The following TCERG1L variants were observed in gnomAD, a reference collection of about 807,000 sequenced individuals.
The protein encoded by TCERG1L is transcription elongation regulator 1-like protein.
Under a neutral mutation model 56.3 loss-of-function variants are expected in TCERG1L, and 37 were observed. The ratio of observed to expected loss-of-function variants is 0.66; its 90% confidence interval spans 0.51 to 0.87. TCERG1L has a LOEUF of 0.87. TCERG1L is among the 40% of genes least tolerant of loss of function. The pLI is 0.00. For missense variants in TCERG1L, 799 were observed against 774.2 expected, an observed-to-expected ratio of 1.03 and a Z score of -0.38; for synonymous variants, 324 against 326.3, an observed-to-expected ratio of 0.99 and a Z score of 0.08.
intron 4 of TCERG1L, among the ~76,000 whole-genome samples, chr10:131,170,513 G>A (rs1273082320): frequency 4.0e-5 from 6 of 151,852 alleles, no homozygotes; most frequent in Admixed American, 2.0e-4. Flanking sequence ...GAGATGTGAA[G>A]TGCTCCCCAG....
intron 4 of TCERG1L, among the ~76,000 whole-genome samples, chr10:131,226,236 C>T (rs974633527): frequency 1.3e-5 from 2 of 152,086 alleles, no homozygotes; most frequent in Non-Finnish European, 2.9e-5. Flanking sequence ...CCTCCACACC[C>T]GGCTAATTTT....
intron 7 of TCERG1L, among the ~76,000 whole-genome samples, chr10:131,143,143 C>T (rs1845756340): frequency 6.6e-6 from 1 of 152,154 alleles, no homozygotes; most frequent in East Asian, 1.9e-4. Context: ...TGGCTTTTAG[C>T]CTCGTGGTGA....
At chr10:131,170,869 C>T (rs1808825) in intron 4 of TCERG1L, among the ~76,000 whole-genome samples, 6,256 of 152,196 alleles carry the variant, frequency 0.041, 443 homozygotes, top group African/African-American at 0.14. Context: ...GTGTGGCGGC[C>T]GGGCGCCGTG....
At chr10:131,173,717 T>C (rs1846116262) in intron 4 of TCERG1L, among the ~76,000 whole-genome samples, 1 of 152,186 alleles carries the variant, frequency 6.6e-6, no homozygotes, top group African/African-American at 2.4e-5. Flanking sequence ...AGGGGTGCCA[T>C]GTAGTGCAGG....
chr10:131,145,041 T>C (rs1845781300), intron 7 of TCERG1L, among the ~76,000 whole-genome samples: 1 of 152,234 alleles, frequency 6.6e-6, no homozygotes, highest in South Asian at 2.1e-4. Context: ...TGTTTCTCAT[T>C]ACTACCAATT....
At chr10:131,210,908 C>T (rs926400861) in intron 4 of TCERG1L, among the ~76,000 whole-genome samples, 2 of 152,228 alleles carry the variant, frequency 1.3e-5, no homozygotes, top group African/African-American at 4.8e-5. Context: ...CAAGTCATTA[C>T]TTCATGTCAT....
chr10:131,249,133 G>A (rs916530912), intron 4 of TCERG1L, among the ~76,000 whole-genome samples: 7 of 152,222 alleles, frequency 4.6e-5, no homozygotes, highest in African/African-American at 1.2e-4. Flanking sequence ...AAAGTGGGGC[G>A]GCTGACTGAT....
At chr10:131,278,197 G>A (rs951435477) in intron 3 of TCERG1L, among the ~76,000 whole-genome samples, 2 of 152,064 alleles carry the variant, frequency 1.3e-5, no homozygotes, top group Non-Finnish European at 1.5e-5. Flanking sequence ...GACCCCGGCC[G>A]AGTCGCATCC....
At chr10:131,184,425 C>T (rs1442344124) in intron 4 of TCERG1L, among the ~76,000 whole-genome samples, 2 of 152,216 alleles carry the variant, frequency 1.3e-5, no homozygotes, top group African/African-American at 4.8e-5. Flanking sequence ...ATGGGCTTGT[C>T]AATCTGCCCT....
chr10:131,303,629 TAC>T (rs1184055399), intron 3 of TCERG1L, among the ~76,000 whole-genome samples: 2 of 152,140 alleles, frequency 1.3e-5, no homozygotes, highest in African/African-American at 4.8e-5. Context: ...CTTTCTATTT[TAC>T]ACAGATATCA....
At chr10:131,129,729 G>C (rs780341235) in intron 8 of TCERG1L, among the ~76,000 whole-genome samples, 1 of 152,146 alleles carries the variant, frequency 6.6e-6, no homozygotes, top group Non-Finnish European at 1.5e-5. Flanking sequence ...CTAACCTGTT[G>C]TATTAGTTCA....
At chr10:131,126,029 T>C (rs985132677) in intron 8 of TCERG1L, among the ~76,000 whole-genome samples, 1 of 152,208 alleles carries the variant, frequency 6.6e-6, no homozygotes, top group African/African-American at 2.4e-5. Context: ...GCCTGGAATC[T>C]CCAGGGACCT....
intron 4 of TCERG1L, among the ~76,000 whole-genome samples, chr10:131,224,166 G>A (rs551939223): frequency 1.3e-5 from 2 of 152,146 alleles, no homozygotes; most frequent in East Asian, 3.9e-4. Context: ...CTTCCCAGCT[G>A]AGACCTGAAC....
intron 9 of TCERG1L, among the ~76,000 whole-genome samples, chr10:131,104,749 A>C (rs932888946): frequency 1.3e-5 from 2 of 152,228 alleles, no homozygotes; most frequent in African/African-American, 4.8e-5. Context: ...GGCTGAGTTT[A>C]GGTGATTTGT....
chr10:131,285,520 G>GAAAAGA, intron 3 of TCERG1L, among the ~76,000 whole-genome samples: 1 of 9,400 alleles, frequency 1.1e-4, no homozygotes. Context: ...AAGAAAGAAA[G>GAAAAGA]AAAGAGAGAA....
At chr10:131,163,324 C>G (rs117555358) in intron 5 of TCERG1L, 114 bp from the exon 6 acceptor site, 11,169 of 828,342 alleles carry the variant, frequency 0.013, 437 homozygotes, top group East Asian at 0.13. Context: ...CTTATAGTAG[C>G]CACGAGATAA....
Position 131,111,411 on chromosome 10 carries a change from C to G in TCERG1L, c.1395+5388G>C, listed in dbSNP as rs770811004. The stretch of plus-strand genomic sequence containing the variant: ...TCAAACACAAACCTGGTTACTTTTG[C>G]GAAAGTCCTGGAAGCTAATGTTTTG... On this transcript the variant is annotated intron_variant, in intron 9 of 11. Transcript: ENST00000368642. 1.4e-5 allele frequency among the ~76,000 whole-genome samples: 2 copies of G among 142,800 alleles called. 1 individual carries two copies. Among genetic ancestry groups the G allele is most frequent in the Non-Finnish European group, 3.2e-5 (2 of 63,438 alleles). The allele number at this position is 142,800 out of a possible 152,430, so 93.7% of individuals were successfully genotyped here.
At chr10:131,262,906 A>C (rs968470832) in intron 3 of TCERG1L, among the ~76,000 whole-genome samples, 2 of 151,996 alleles carry the variant, frequency 1.3e-5, no homozygotes, top group African/African-American at 4.8e-5. Context: ...AAGGCCATTC[A>C]GTTGGAACCA....
Position 131,260,450 on chromosome 10 carries a change from G to A in TCERG1L, c.671-6C>T, listed in dbSNP as rs895887750. On this transcript the variant is annotated splice_polypyrimidine_tract_variant and splice_region_variant and intron_variant, in intron 3 of 11. Coordinates refer to ENST00000368642, the MANE Select transcript of TCERG1L (RefSeq NM_174937.4). The surrounding 1 kb of genome is among the most constrained non-coding windows in gnomAD (Gnocchi z 5.8). ...AAGGCTGTTATGGCAGCCACCTGCG[G>A]AAGAGGGATGCAGAGGGTCAGCAAG... 6 of 1,399,284 alleles carry A rather than the reference G, an allele frequency of 4.3e-6. No homozygotes were observed. Among genetic ancestry groups the A allele is most frequent in the Non-Finnish European group, 3.7e-6 (4 of 1,075,658 alleles). 86.7% of individuals were successfully genotyped at this position (1,399,284 alleles called of 1,614,324 possible). A position where few individuals can be genotyped will look rare whatever the true frequency, so the allele number is the denominator to read the frequency against.
Sources: gnomAD v4.1 joint callset for allele counts (sites outside exome capture counted in the v4.1 genomes callset) on GRCh38, gnomAD v4.1.1 for gene constraint, Gnocchi (gnomAD v3.1) non-coding constraint, MANE v1.5 for transcripts, NCBI Gene and HGNC (gene_info 2026-07-23, HGNC 2026-07-21) for gene names.